The following SYT14 variants were observed in gnomAD, a reference collection of about 807,000 sequenced individuals.
SYT14 encodes the protein synaptotagmin 14, also known as synaptotagmin-14.
A neutral mutation model predicts 74.2 loss-of-function variants in SYT14; 32 were observed. The ratio of observed to expected loss-of-function variants is 0.43; its 90% confidence interval spans 0.33 to 0.58. SYT14 has a LOEUF of 0.58. Among genes scored for constraint, SYT14 ranks in the 20% least tolerant of loss-of-function variants. SYT14 has a pLI of 0.05. For synonymous variants in SYT14, 298 were observed against 337.7 expected, an observed-to-expected ratio of 0.88 and a Z score of 1.29; for missense variants, 791 against 981.8, an observed-to-expected ratio of 0.81 and a Z score of 2.60.
At chr1:210,036,368 C>T (rs768935102) in intron 5 of SYT14, among the ~76,000 whole-genome samples, 6 of 151,892 alleles carry the variant, frequency 4.0e-5, no homozygotes, top group Admixed American at 2.0e-4. Flanking sequence ...AAGATTATAT[C>T]ATCAGCAAAT....
rs146772615 is a variant in SYT14 at position 210,049,921 on chromosome 1, G to A, written c.1312+28667G>A. Among the ~76,000 whole-genome samples, 448 of 152,242 alleles carry A rather than the reference G, an allele frequency of 2.9e-3. 2 individuals are homozygous for A. The highest frequency in any genetic ancestry group is 5.1e-3 in the Non-Finnish European group (345 of 68,018). Reference sequence around the variant, plus strand: ...CCACAAAACCACTTTTTCTTCCTTGGCCTTCTGGACTGTGATGGTAGGGGC... The same window carrying A: ...CCACAAAACCACTTTTTCTTCCTTGACCTTCTGGACTGTGATGGTAGGGGC... On this transcript the variant is annotated intron_variant, in intron 5 of 9. Transcript: ENST00000637265.
intron 9 of SYT14, among the ~76,000 whole-genome samples, chr1:210,160,061 C>T (rs551990542): frequency 1.3e-5 from 2 of 152,276 alleles, no homozygotes; most frequent in African/African-American, 2.4e-5. Flanking sequence ...ATTAAATGTA[C>T]TCTTGCATGA....
chr1:209,969,486 C>CTTTTTT (rs35157576), intron 2 of SYT14, among the ~76,000 whole-genome samples: 17 of 127,178 alleles, frequency 1.3e-4, no homozygotes, highest in East Asian at 2.5e-4. Flanking sequence ...TTTTTTCTTT[C>CTTTTTT]TTTTTTTTTT....
At chr1:210,139,328 T>A (rs2082867242) in intron 7 of SYT14, among the ~76,000 whole-genome samples, 1 of 148,152 alleles carries the variant, frequency 6.7e-6, no homozygotes, top group African/African-American at 2.5e-5. Flanking sequence ...TTGCCCAGGC[T>A]GGTCTCCAGC....
At chr1:210,113,599 A>T (rs924221343) in intron 7 of SYT14, among the ~76,000 whole-genome samples, 4 of 150,758 alleles carry the variant, frequency 2.7e-5, no homozygotes, top group African/African-American at 1.0e-4. Context: ...TTTTAATGAG[A>T]TGGTAAGGGG....
At chr1:209,987,469 C>G (rs1167091551) in intron 2 of SYT14, among the ~76,000 whole-genome samples, 1 of 152,140 alleles carries the variant, frequency 6.6e-6, no homozygotes, top group Non-Finnish European at 1.5e-5. Context: ...AAAACAGGAG[C>G]AAGAGAGAAT....
intron 7 of SYT14, among the ~76,000 whole-genome samples, chr1:210,110,723 A>G (rs1192930530): frequency 2.6e-5 from 4 of 152,214 alleles, no homozygotes; most frequent in South Asian, 2.1e-4. Context: ...TTTAAATCAT[A>G]TCTTTATAGA....
exon 8 of SYT14, chr1:210,155,766 A>C: frequency 1.9e-6 from 3 of 1,614,138 alleles, no homozygotes; most frequent in Non-Finnish European, 2.5e-6. Context: ...GTGTAGTGAA[A>C]GTACATCCTC....
intron 5 of SYT14, among the ~76,000 whole-genome samples, chr1:210,068,479 A>G (rs2081335985): frequency 6.6e-6 from 1 of 151,614 alleles, no homozygotes; most frequent in Admixed American, 6.6e-5. Context: ...CGAGATTAAG[A>G]GTATCTGTTC....
intron 7 of SYT14, among the ~76,000 whole-genome samples, chr1:210,127,330 C>T (rs1404160320): frequency 1.3e-5 from 2 of 152,140 alleles, no homozygotes; most frequent in Non-Finnish European, 2.9e-5. Context: ...TAAGGAGACC[C>T]TCTATTGAGG....
rs11389788 is a variant in SYT14, at chr1:210,043,434, GAA to G, written c.1312+22189_1312+22190del. 1.2e-3 allele frequency among the ~76,000 whole-genome samples: 173 copies of G among 149,706 alleles called. 1 individual carries two copies. The highest frequency in any genetic ancestry group is 4.0e-3 in the African/African-American group (163 of 40,934). Reference sequence around the variant, plus strand: ...AAAGTTTTGGAATCTTTGTTTTACTGAAAAAAAAAAGTAAAATATGTGTGTAA... The same window carrying G: ...AAAGTTTTGGAATCTTTGTTTTACTGAAAAAAAAGTAAAATATGTGTGTAA... On this transcript the variant is annotated intron_variant, in intron 5 of 9. Transcript: ENST00000637265.
chr1:210,059,390 T>TTA (rs2081158643), intron 5 of SYT14, among the ~76,000 whole-genome samples: 1 of 131,790 alleles, frequency 7.6e-6, no homozygotes, highest in South Asian at 2.4e-4. Flanking sequence ...GTAAGATAAA[T>TTA]TATATATATA....
chr1:210,120,254 A>G (rs894222154), intron 7 of SYT14, among the ~76,000 whole-genome samples: 2 of 152,160 alleles, frequency 1.3e-5, no homozygotes, highest in Non-Finnish European at 2.9e-5. Context: ...CAAATTATAT[A>G]CAGTCATGCA....
At position 210,015,528 on chromosome 1, in the gene SYT14, A is replaced by G. The variant is rs564324930; in HGVS notation, c.-320-156A>G. 2.0e-5 allele frequency among the ~76,000 whole-genome samples: 3 copies of G among 152,310 alleles called. No individual in the cohort carries two copies. The South Asian group carries it at 6.2e-4, about 32-fold the overall frequency. ...CTTCCTCTCCCCTATTCTTACCACT[A>G]TGCAAAATTGTTTAGATATTTCTCT... is the stretch of plus-strand genomic sequence containing the variant. On this transcript the variant is annotated intron_variant, in intron 3 of 9. Coordinates refer to ENST00000637265, the Ensembl canonical transcript of SYT14.
At chr1:210,013,545 G>T (rs2080125630) in intron 2 of SYT14, 88 bp from the exon 3 acceptor site, 5 of 1,256,442 alleles carry the variant, frequency 4.0e-6, no homozygotes, top group Non-Finnish European at 4.5e-6. Context: ...AAATAAGGTA[G>T]TAAGCTAACT....
intron 7 of SYT14, among the ~76,000 whole-genome samples, chr1:210,145,768 TC>T (rs2083020361): frequency 6.6e-6 from 1 of 152,134 alleles, no homozygotes; most frequent in Admixed American, 6.5e-5. Context: ...GCTCATACTT[TC>T]TTTGTGTGAA....
intron 7 of SYT14, among the ~76,000 whole-genome samples, chr1:210,131,454 A>T (rs2082671970): frequency 6.6e-6 from 1 of 152,066 alleles, no homozygotes; most frequent in African/African-American, 2.4e-5. Flanking sequence ...GTAGAATGGT[A>T]TATACTATAC....
At chr1:210,092,238 G>C (rs2081882074) in intron 5 of SYT14, among the ~76,000 whole-genome samples, 1 of 152,112 alleles carries the variant, frequency 6.6e-6, no homozygotes, top group African/African-American at 2.4e-5. Context: ...TGATGTTTCA[G>C]ATACCGGGCT....
intron 7 of SYT14, among the ~76,000 whole-genome samples, chr1:210,141,799 G>T (rs1009885835): frequency 2.0e-5 from 3 of 152,216 alleles, no homozygotes; most frequent in African/African-American, 4.8e-5. Flanking sequence ...GCACAGAGCA[G>T]CAAGATCAGC....
Sources: allele counts gnomAD v4.1 joint callset (sites outside exome capture counted in the v4.1 genomes callset), GRCh38; gene constraint gnomAD v4.1.1; transcripts MANE v1.5; gene names NCBI Gene and HGNC (gene_info 2026-07-23, HGNC 2026-07-21).